NUP214: variants seen among roughly 807,000 people sequenced by gnomAD.
NUP214 encodes nucleoporin 214.
Under a neutral mutation model 196.2 loss-of-function variants are expected in NUP214, and 79 were observed. The ratio of observed to expected loss-of-function variants is 0.40; its 90% CI spans 0.34 to 0.49. NUP214 has a LOEUF of 0.49. NUP214 is among the 20% of genes least tolerant of loss of function. The probability of loss-of-function intolerance (pLI) is 0.58; values close to 1 mark genes in which losing one functional copy is unlikely to be tolerated. For synonymous variants in NUP214, 1,020 were observed against 990.5 expected (o/e 1.03, Z -0.56); for missense variants, 2,468 against 2,539.0 (o/e 0.97, Z 0.60).
chr9:131,174,041 T>A lies in NUP214; in HGVS notation c.2894-14T>A, dbSNP rs772604167. On this transcript the variant is annotated splice_polypyrimidine_tract_variant and intron_variant, in intron 21 of 35. Coordinates refer to ENST00000359428, the MANE Select transcript of NUP214 (RefSeq NM_005085.4). ...TGAGTTGTCTAAATTGTGTTTTGTT[T>A]GGGGCTTTTGTAGCCAGCCTGTCTC... The A allele has an allele frequency of 1.9e-6, 3 of 1,610,838 alleles. No homozygotes were observed. The African/African-American group carries it at 4.0e-5, about 22-fold the overall frequency.
chr9:131,190,309 G>A (rs1182529215), intron 26 of NUP214: 1 of 542,748 alleles, frequency 1.8e-6, no homozygotes, highest in Non-Finnish European at 3.2e-6. Flanking sequence ...CTTCATTGGA[G>A]AGGTTTTTGT....
chr9:131,222,757 C>T (rs1416440959), intron 31 of NUP214, 21 bp from the exon 32 acceptor site: 1 of 1,606,814 alleles, frequency 6.2e-7, no homozygotes, highest in Non-Finnish European at 8.5e-7. Context: ...TCTGACCTCC[C>T]TCACATCTTC....
Position 131,125,941 on chromosome 9 carries a change from C to T in NUP214, c.45+192C>T. Reference sequence around the variant, plus strand: ...ACCGAATGCAGTTTCCCAGTCCCATCCTGGTCTCGTGCACGGCTGTTGAGT... The same window carrying T: ...ACCGAATGCAGTTTCCCAGTCCCATTCTGGTCTCGTGCACGGCTGTTGAGT... On this transcript the variant is annotated intron_variant, in intron 1 of 35. Coordinates refer to ENST00000359428, the MANE Select transcript of NUP214 (RefSeq NM_005085.4). The surrounding 1 kb of genome is among the most constrained non-coding windows in gnomAD (Gnocchi z 4.1). 1.5e-6 allele frequency: 1 copy of T among 671,056 alleles called. No individual in the cohort carries two copies. Among genetic ancestry groups the T allele is most frequent in the Non-Finnish European group, 2.5e-6 (1 of 392,984 alleles). 41.6% of individuals were successfully genotyped at this position (671,056 alleles called of 1,614,324 possible). A position where few individuals can be genotyped will look rare whatever the true frequency, so the allele number is the denominator to read the frequency against.
In NUP214 at chr9:131,234,124, C is replaced by T. The variant is rs940994314; in HGVS notation, c.*637C>T. 3.9e-5 allele frequency: 9 copies of T among 233,496 alleles called. No homozygotes were observed. The Admixed American group carries it at 4.5e-4, about 12-fold the overall frequency. 14.5% of individuals were successfully genotyped at this position (233,496 alleles called of 1,614,324 possible). On this transcript the variant is annotated 3_prime_UTR_variant, in exon 36 of 36. Transcript: ENST00000359428. Reference sequence around the variant, plus strand: ...CAGCGTGAGGCAGGACAGTGCTGCGCCTTAGCCGGCCTTGGCTCTCATCTC... The same window carrying T: ...CAGCGTGAGGCAGGACAGTGCTGCGTCTTAGCCGGCCTTGGCTCTCATCTC...
rs140604267 is a variant in NUP214, at chr9:131,127,647, A to C, written c.169A>C (p.Ser57Arg). 8.4e-5 allele frequency: 136 copies of C among 1,614,166 alleles called. No individual in the cohort carries two copies. In the African/African-American group the frequency reaches 1.6e-3, roughly 19 times the overall value. ...KYGLVFAGGA[S>R]GLQIFPTKNL... ...TGGTCTGGTCTTCGCTGGTGGAGCC[A>C]GTGGCTTGCAGATTTTTCCTACTAA... is the stretch of plus-strand genomic sequence containing the variant. Residue 57 changes from serine to arginine, a missense_variant, in exon 2 of 36, where the codon AGT (serine) becomes CGT (arginine). Physicochemically the swap from Ser to Arg is moderately radical, Grantham distance 110. Around this residue, in one of 5 missense-constraint regions of NUP214, gnomAD observed 392 missense variants for 417.9 expected, o/e 0.94. Transcript: ENST00000359428.
chr9:131,157,695 G>A (rs1462392400), intron 17 of NUP214, among the ~76,000 whole-genome samples: 2 of 152,008 alleles, frequency 1.3e-5, no homozygotes, highest in African/African-American at 2.4e-5. Flanking sequence ...ACCCAGGTTG[G>A]AGTGCAGTGG....
rs1834603186 is a variant in NUP214 at position 131,222,943 on chromosome 9, C to G, written c.5902+13C>G. ...CCAAACAAAACAGGTACTCCTATGTCTATTTGTTATGGTTATCTTTATATA... is the reference window on the plus strand; with the variant it reads ...CCAAACAAAACAGGTACTCCTATGTGTATTTGTTATGGTTATCTTTATATA... On this transcript the variant is annotated intron_variant, in intron 32 of 35. Coordinates refer to ENST00000359428, the MANE Select transcript of NUP214 (RefSeq NM_005085.4). The G allele has an allele frequency of 6.2e-7, 1 of 1,610,650 alleles. No homozygotes were observed. Among genetic ancestry groups the G allele is most frequent in the Non-Finnish European group, 8.5e-7 (1 of 1,178,058 alleles).
intron 27 of NUP214, among the ~76,000 whole-genome samples, chr9:131,193,654 T>TTTTC (rs1833686953): frequency 1.7e-5 from 2 of 117,498 alleles, no homozygotes; most frequent in Admixed American, 1.9e-4. Context: ...TTTTTTTTTT[T>TTTTC]TTTTTTTTGG....
chr9:131,186,580 G>C (rs1457215791), intron 24 of NUP214, among the ~76,000 whole-genome samples: 1 of 152,168 alleles, frequency 6.6e-6, no homozygotes, highest in African/African-American at 2.4e-5. Context: ...TGAAAAAATT[G>C]CCGCTAGGAG....
At chr9:131,159,217 T>G in intron 17 of NUP214, 166 bp from the exon 18 acceptor site, 1 of 609,686 alleles carries the variant, frequency 1.6e-6, no homozygotes. Flanking sequence ...CCCGGCCTCA[T>G]TTTAATTATA....
Position 131,198,698 on chromosome 9 carries a change from C to T in NUP214, c.5204C>T (p.Ser1735Leu), listed in dbSNP as rs748101881. The T allele has an allele frequency of 8.7e-6, 14 of 1,614,078 alleles. No homozygotes were observed. The highest frequency in any genetic ancestry group is 1.2e-5 in the Non-Finnish European group (14 of 1,180,040). Reference protein sequence around the residue: ...TFGQASVFGQSASSAASVFSF... With the variant: ...TFGQASVFGQLASSAASVFSF... Reference sequence around the variant, plus strand: ...GGGCAGGCCTCAGTCTTTGGGCAGTCGGCGAGCAGTGCTGCAAGTGTCTTT... The same window carrying T: ...GGGCAGGCCTCAGTCTTTGGGCAGTTGGCGAGCAGTGCTGCAAGTGTCTTT... Residue 1735 changes from serine (S) to leucine (L), a missense_variant, in exon 29 of 36, where the codon TCG becomes TTG. Physicochemically the swap from Ser to Leu is moderately radical, Grantham distance 145 (BLOSUM62 -2). Transcript: ENST00000359428.
intron 27 of NUP214, among the ~76,000 whole-genome samples, chr9:131,193,259 G>T (rs1833664355): frequency 1.4e-5 from 2 of 146,702 alleles, no homozygotes; most frequent in Admixed American, 6.7e-5. Context: ...AGACTCTGTG[G>T]AACTGAGATC....
chr9:131,139,134 C>A, intron 9 of NUP214, 147 bp from the exon 10 acceptor site: 1 of 888,616 alleles, frequency 1.1e-6, no homozygotes, highest in Non-Finnish European at 1.5e-6. Flanking sequence ...TTCAGAGCCT[C>A]CTAGTCAACA....
intron 24 of NUP214, among the ~76,000 whole-genome samples, chr9:131,179,316 T>G (rs1324996496): frequency 2.0e-5 from 3 of 152,212 alleles, no homozygotes; most frequent in Non-Finnish European, 4.4e-5. Context: ...TCATTTGTCT[T>G]TAGTCCTCAT....
intron 18 of NUP214, among the ~76,000 whole-genome samples, chr9:131,161,844 A>G (rs1177029482): frequency 2.0e-5 from 3 of 152,298 alleles, no homozygotes; most frequent in Non-Finnish European, 4.4e-5. Context: ...GACATCACCT[A>G]TTACACACCT....
chr9:131,157,462 T>TG (rs1165865348), intron 17 of NUP214, among the ~76,000 whole-genome samples: 2 of 138,576 alleles, frequency 1.4e-5, no homozygotes, highest in African/African-American at 5.4e-5. Flanking sequence ...GTCTGGCGTT[T>TG]TTTTTTTTTT....
At chr9:131,216,797 G>T (rs1834412544) in intron 31 of NUP214, among the ~76,000 whole-genome samples, 2 of 152,308 alleles carry the variant, frequency 1.3e-5, no homozygotes, top group South Asian at 2.1e-4. Context: ...AAAGTGCTGG[G>T]ATTACAGGCG....
chr9:131,203,869 A>G (rs371014867), intron 30 of NUP214, among the ~76,000 whole-genome samples: 2 of 152,340 alleles, frequency 1.3e-5, no homozygotes, highest in African/African-American at 4.8e-5. Context: ...TGAATTTTCT[A>G]TTTAATAACC....
chr9:131,166,690 G>A (rs1165802840), intron 21 of NUP214, among the ~76,000 whole-genome samples: 2 of 152,098 alleles, frequency 1.3e-5, no homozygotes, highest in East Asian at 3.9e-4. Context: ...AAGCCCTCTT[G>A]CATACCCCAG....
Sources: gnomAD v4.1 joint callset for allele counts (sites outside exome capture counted in the v4.1 genomes callset) on GRCh38, gnomAD v4.1.1 for gene constraint, gnomAD v4.1.1 regional missense constraint, Gnocchi (gnomAD v3.1) non-coding constraint, MANE v1.5 for transcripts, NCBI Gene and HGNC (gene_info 2026-07-23, HGNC 2026-07-21) for gene names.